SHANK2: variants seen among roughly 807,000 people sequenced by gnomAD.
The protein encoded by SHANK2 is SH3 and multiple ankyrin repeat domains 2.
In SHANK2, 43 loss-of-function variants were observed where a neutral mutation model predicts 133.7. The ratio of observed to expected loss-of-function variants is 0.32; its 90% CI spans 0.25 to 0.41. The LOEUF is 0.41. Among genes scored for constraint, SHANK2 ranks in the 10% least tolerant of loss-of-function variants. The pLI is 1.00. For synonymous variants in SHANK2, 1,017 were observed against 952.8 expected, an observed-to-expected ratio of 1.07 and a Z score of -1.24; for missense variants, 1,994 against 2,235.8, an observed-to-expected ratio of 0.89 and a Z score of 2.18.
chr11:70,950,470 C>T (rs183284336), intron 10 of SHANK2, among the ~76,000 whole-genome samples: 132 of 152,286 alleles, frequency 8.7e-4, no homozygotes, highest in Non-Finnish European at 6.3e-4. Flanking sequence ...GGATTACAGG[C>T]GTGAGCCACT....
chr11:70,801,652 AC>A (rs1445579488), intron 13 of SHANK2, among the ~76,000 whole-genome samples: 1 of 152,138 alleles, frequency 6.6e-6, no homozygotes, highest in Non-Finnish European at 1.5e-5. Flanking sequence ...GTCCCCATCC[AC>A]CCAGCAGTAC....
At chr11:70,755,038 G>A (rs544562966) in intron 14 of SHANK2, among the ~76,000 whole-genome samples, 14 of 151,548 alleles carry the variant, frequency 9.2e-5, no homozygotes, top group African/African-American at 2.2e-4. Context: ...GAAATGTCCC[G>A]CACAATTCCT....
chr11:71,108,767 C>T (rs1203014562), intron 6 of SHANK2, among the ~76,000 whole-genome samples: 4 of 152,226 alleles, frequency 2.6e-5, no homozygotes, highest in African/African-American at 9.6e-5. Flanking sequence ...CTCATGCAGT[C>T]CTGCCTCCCA....
chr11:70,849,289 A>G (rs986543741), intron 11 of SHANK2, among the ~76,000 whole-genome samples: 9 of 152,178 alleles, frequency 5.9e-5, no homozygotes, highest in African/African-American at 2.2e-4. Flanking sequence ...CAATATATTA[A>G]TATGTATACA....
At chr11:70,483,743 A>T (rs1555152328) in intron 25 of SHANK2, among the ~76,000 whole-genome samples, 1 of 152,086 alleles carries the variant, frequency 6.6e-6, no homozygotes, top group Non-Finnish European at 1.5e-5. Context: ...GAGGCTGTTG[A>T]GTGTACTTGT....
chr11:70,698,190 C>G (rs1481870831), intron 15 of SHANK2: 2 of 182,242 alleles, frequency 1.1e-5, no homozygotes, highest in South Asian at 1.3e-4. Context: ...CAGACGAACT[C>G]AAACCTGCTG....
chr11:71,236,607 A>C (rs532985327), intron 1 of SHANK2, among the ~76,000 whole-genome samples: 45 of 152,304 alleles, frequency 3.0e-4, no homozygotes, highest in African/African-American at 9.4e-4. Context: ...AACTTACAGA[A>C]CCATGACCTA....
At chr11:70,518,781 G>A (rs561924488) in intron 17 of SHANK2, among the ~76,000 whole-genome samples, 8 of 152,296 alleles carry the variant, frequency 5.3e-5, no homozygotes, top group East Asian at 3.9e-4. Flanking sequence ...CCCACTCCCC[G>A]TCAGCTTGCC....
chr11:70,518,899 A>G (rs1250363718), intron 17 of SHANK2, among the ~76,000 whole-genome samples: 2 of 152,062 alleles, frequency 1.3e-5, no homozygotes, highest in Non-Finnish European at 2.9e-5. Context: ...TCCACTTACT[A>G]GTTGGAATAA....
At chr11:70,722,082 T>C (rs1255265032) in intron 14 of SHANK2, among the ~76,000 whole-genome samples, 5 of 152,232 alleles carry the variant, frequency 3.3e-5, no homozygotes, top group African/African-American at 9.6e-5. Flanking sequence ...GGAAATCATC[T>C]TCCCGCTTTG....
intron 10 of SHANK2, among the ~76,000 whole-genome samples, chr11:70,954,721 G>A (rs1950892550): frequency 6.6e-6 from 1 of 152,240 alleles, no homozygotes; most frequent in South Asian, 2.1e-4. Context: ...GCCATCACTG[G>A]CTTAGCCTGT....
chr11:70,720,750 C>T (rs1419267492), intron 14 of SHANK2, among the ~76,000 whole-genome samples: 9 of 136,210 alleles, frequency 6.6e-5, no homozygotes, highest in African/African-American at 2.5e-4. Flanking sequence ...TGTGAACATA[C>T]ACACACACAT....
intron 2 of SHANK2, among the ~76,000 whole-genome samples, chr11:71,219,091 T>A (rs1954479554): frequency 6.6e-6 from 1 of 152,176 alleles, no homozygotes; most frequent in Non-Finnish European, 1.5e-5. Flanking sequence ...CATACCAGCA[T>A]TTAGAGAAGC....
At chr11:71,222,017 G>A (rs1033785072) in intron 2 of SHANK2, among the ~76,000 whole-genome samples, 5 of 152,082 alleles carry the variant, frequency 3.3e-5, no homozygotes, top group Non-Finnish European at 5.9e-5. Flanking sequence ...AGGGTGAAGC[G>A]CCCAGGTGAG....
chr11:70,624,902 G>A (rs1477668588), intron 17 of SHANK2, among the ~76,000 whole-genome samples: 3 of 151,116 alleles, frequency 2.0e-5, no homozygotes, highest in Admixed American at 6.6e-5. Context: ...GGTGGCCTGC[G>A]GGGGGTGTCC....
chr11:70,698,919 C>T, intron 14 of SHANK2, 156 bp from the exon 15 acceptor site: 1 of 688,414 alleles, frequency 1.5e-6, no homozygotes, highest in Non-Finnish European at 2.7e-6. Flanking sequence ...AGGCCTGGTT[C>T]TGGGGCTCAA....
At position 70,659,710 on chromosome 11, in the gene SHANK2, G is replaced by A. The variant is rs1268048833; in HGVS notation, c.2061+118C>T. 3.2e-6 allele frequency: 4 copies of A among 1,264,986 alleles called. No individual in the cohort carries two copies. In the Admixed American group the frequency reaches 7.5e-5, roughly 24 times the overall value. 78.4% of individuals were successfully genotyped at this position (1,264,986 alleles called of 1,614,324 possible). A position where few individuals can be genotyped will look rare whatever the true frequency, so the allele number is the denominator to read the frequency against. Reference sequence around the variant, plus strand: ...AGAAACTGACCAATGAAAGTTCATGGCAGCCTCCACAAGCACCCCCAGACT... The same window carrying A: ...AGAAACTGACCAATGAAAGTTCATGACAGCCTCCACAAGCACCCCCAGACT... On this transcript the variant is annotated intron_variant, in intron 17 of 25. Coordinates refer to ENST00000601538, the MANE Select transcript of SHANK2 (RefSeq NM_012309.5).
chr11:70,759,235 T>G (rs188419919), intron 14 of SHANK2, among the ~76,000 whole-genome samples: 1 of 151,130 alleles, frequency 6.6e-6, no homozygotes, highest in Non-Finnish European at 1.5e-5. Context: ...GGCTCACACC[T>G]GTAATCCCAG....
intron 10 of SHANK2, among the ~76,000 whole-genome samples, chr11:70,922,527 C>T (rs1476120407): frequency 3.3e-5 from 5 of 152,010 alleles, no homozygotes; most frequent in Admixed American, 1.3e-4. Flanking sequence ...ACAATCACAC[C>T]GACAGCAGTC....
Sources: gnomAD v4.1 joint callset for allele counts (sites outside exome capture counted in the v4.1 genomes callset) on GRCh38, gnomAD v4.1.1 for gene constraint, MANE v1.5 for transcripts, NCBI Gene and HGNC (gene_info 2026-07-23, HGNC 2026-07-21) for gene names.